Variants in CCNG1 observed in about 807,000 individuals in gnomAD.
The protein encoded by CCNG1 is cyclin-G1.
In CCNG1, 13 loss-of-function variants were observed where a neutral mutation model predicts 30.0. The ratio of observed to expected loss-of-function variants is 0.43; its 90% confidence interval spans 0.28 to 0.69. The LOEUF is 0.69. Ranked by LOEUF, CCNG1 falls within the 30% of genes least tolerant of loss-of-function variation. The probability of loss-of-function intolerance (pLI) is 0.16; values close to 1 mark genes in which losing one functional copy is unlikely to be tolerated. For synonymous variants in CCNG1, 110 were observed against 121.5 expected, an observed-to-expected ratio of 0.91 and a Z score of 0.62; for missense variants, 285 against 331.4, an observed-to-expected ratio of 0.86 and a Z score of 1.09.
At position 163,444,437 on chromosome 5, in the gene CCNG1, C is replaced by T. The variant is rs920709878; in HGVS notation, c.*767C>T. 1 of 152,562 alleles carries T rather than the reference C, an allele frequency of 6.6e-6. No homozygotes were observed. The highest frequency in any genetic ancestry group is 2.4e-5 in the African/African-American group (1 of 41,450). The allele number at this position is 152,562 out of a possible 1,614,324, so 9.5% of individuals were successfully genotyped here. On this transcript the variant is annotated 3_prime_UTR_variant, in exon 7 of 7. Transcript: ENST00000340828. ...AAACTAGTTTCTATTGTATTAGTAA[C>T]TCAAAATAAATTATCACTTCGAAAA...
downstream of CCNG1, chr5:163,445,949 A>G (rs547552012): frequency 5.9e-5 from 9 of 152,232 alleles, no homozygotes; most frequent in East Asian, 1.3e-3. Context: ...ACCTAATTAA[A>G]CAACACTTCA....
Position 163,443,706 on chromosome 5 carries a change from C to G in CCNG1, c.*36C>G, listed in dbSNP as rs1013284298. Reference sequence around the variant, plus strand: ...ACAGCACCAAAAAACTTCTCTGAAGCCTTTCTCCACAACCTTGTTCTATGG... The same window carrying G: ...ACAGCACCAAAAAACTTCTCTGAAGGCTTTCTCCACAACCTTGTTCTATGG... On this transcript the variant is annotated 3_prime_UTR_variant, in exon 7 of 7. Transcript: ENST00000340828. The G allele has an allele frequency of 3.3e-6, 5 of 1,531,300 alleles. No homozygotes were observed. The African/African-American group carries it at 4.1e-5, about 13-fold the overall frequency. 94.9% of individuals were successfully genotyped at this position (1,531,300 alleles called of 1,614,324 possible). A position where few individuals can be genotyped will look rare whatever the true frequency, so the allele number is the denominator to read the frequency against.
In CCNG1 at chr5:163,442,141, A is replaced by G. The variant is rs1757846831; in HGVS notation, c.694A>G (p.Lys232Glu). 2 of 1,575,580 alleles carry G rather than the reference A, an allele frequency of 1.3e-6. No individual in the cohort carries two copies. The highest frequency in any genetic ancestry group is 1.7e-6 in the Non-Finnish European group (2 of 1,146,496). Residue 232 changes from lysine (K) to glutamate (E), a missense_variant and splice_region_variant, in exon 5 of 7, where the codon AAG becomes GAG. Transcript: ENST00000340828. Reference protein sequence around the residue: ...EGIECLQKHSKINGRDLTFWQ... With the variant: ...EGIECLQKHSEINGRDLTFWQ... ...AATAGAATGTCTTCAGAAACATTCC[A>G]AGGTATGTGAAGGACATAGCCTAAA... is the stretch of plus-strand genomic sequence containing the variant.
chr5:163,442,311 A>G, intron 5 of CCNG1, 63 bp from the exon 6 acceptor site: 1 of 1,282,972 alleles, frequency 7.8e-7, no homozygotes, highest in Non-Finnish European at 1.1e-6. Context: ...GCATTTATTA[A>G]TGTAGTTAAA....
chr5:163,451,751 AT>A, the CCNG1 span: 1 of 152,160 alleles, frequency 6.6e-6, no homozygotes, highest in Non-Finnish European at 1.5e-5. Flanking sequence ...ATGTGGGGAG[AT>A]GACCTACAAT....
chr5:163,439,138 C>T, intron 1 of CCNG1, 119 bp from the exon 2 acceptor site: 2 of 843,562 alleles, frequency 2.4e-6, no homozygotes, highest in Non-Finnish European at 3.8e-6. Context: ...CTTAGATGCA[C>T]TAGCCGCATT....
chr5:163,447,404 C>T (rs972039674), downstream of CCNG1: 2 of 142,358 alleles, frequency 1.4e-5, no homozygotes, highest in Admixed American at 1.5e-4. Flanking sequence ...TGAAGCATGA[C>T]AGAGTTGCTA....
In CCNG1 at chr5:163,437,607, G is replaced by C. The variant is rs1162285734; in HGVS notation, c.-198G>C. ...GGGCAGGCGCGGCCCCTTCGGCTCCGAGCTGACCCTGATCAGGGCCGAGTT... is the reference window on the plus strand; with the variant it reads ...GGGCAGGCGCGGCCCCTTCGGCTCCCAGCTGACCCTGATCAGGGCCGAGTT... On this transcript the variant is annotated 5_prime_UTR_variant, in exon 1 of 7. Transcript: ENST00000340828. The C allele has an allele frequency of 6.6e-6, 1 of 152,030 alleles. No homozygotes were observed. The highest frequency in any genetic ancestry group is 1.5e-5 in the Non-Finnish European group (1 of 68,072). The allele number at this position is 152,030 out of a possible 1,614,324, so 9.4% of individuals were successfully genotyped here.
chr5:163,454,342 T>C, the CCNG1 span, among the ~76,000 whole-genome samples: 1 of 152,280 alleles, frequency 6.6e-6, no homozygotes, highest in East Asian at 1.9e-4. Flanking sequence ...TTTATTTTAT[T>C]TATTATTATT....
intron 1 of CCNG1, among the ~76,000 whole-genome samples, 182 bp downstream of exon 1, chr5:163,437,986 C>A (rs1271392008): frequency 6.6e-6 from 1 of 152,156 alleles, no homozygotes; most frequent in East Asian, 1.9e-4. Flanking sequence ...TCCTGAGGTG[C>A]CTTTCGTGTC....
chr5:163,455,490 G>A, the CCNG1 span, among the ~76,000 whole-genome samples: 250 of 152,356 alleles, frequency 1.6e-3, no homozygotes, highest in South Asian at 4.1e-3. Context: ...CTGGCTGGGC[G>A]CGGTGGTTCA....
chr5:163,446,499 TAAA>T (rs2113391083), downstream of CCNG1: 1 of 152,286 alleles, frequency 6.6e-6, no homozygotes, highest in East Asian at 1.9e-4. Context: ...CCTCTCAAAA[TAAA>T]AGATTAATTG....
chr5:163,438,765 C>G (rs906914326), intron 1 of CCNG1, among the ~76,000 whole-genome samples: 7 of 151,826 alleles, frequency 4.6e-5, no homozygotes, highest in Admixed American at 3.9e-4. Context: ...CGGTGGCTCA[C>G]GCCTGTAATC....
At chr5:163,440,487 T>C (rs914774866) in intron 2 of CCNG1, among the ~76,000 whole-genome samples, 1 of 152,164 alleles carries the variant, frequency 6.6e-6, no homozygotes, top group Non-Finnish European at 1.5e-5. Flanking sequence ...TTAATACTGG[T>C]AAAAGCTTAG....
chr5:163,450,117 T>C (rs1025140671), downstream of CCNG1: 1 of 151,836 alleles, frequency 6.6e-6, no homozygotes, highest in African/African-American at 2.4e-5. Flanking sequence ...AAAAATGGGC[T>C]GGGAGTGGTG....
intron 1 of CCNG1, 25 bp from the exon 2 acceptor site, chr5:163,439,232 T>C (rs1481900448): frequency 6.2e-7 from 1 of 1,604,050 alleles, no homozygotes; most frequent in Non-Finnish European, 8.5e-7. Context: ...TTACACTCCT[T>C]GCTGGTCTTT....
At chr5:163,450,222 C>T (rs1433756180), downstream of CCNG1, 1 of 152,224 alleles carries the variant, frequency 6.6e-6, no homozygotes, top group African/African-American at 2.4e-5. Flanking sequence ...GATTGTGCCA[C>T]TGCACCCCAG....
At chr5:163,446,410 T>C (rs890626846), downstream of CCNG1, 1 of 152,214 alleles carries the variant, frequency 6.6e-6, no homozygotes, top group Admixed American at 6.5e-5. Context: ...CCCTGGTCTA[T>C]ACCTGGTACT....
the CCNG1 span, chr5:163,456,968 T>C: frequency 5.0e-6 from 8 of 1,612,196 alleles, no homozygotes; most frequent in Middle Eastern, 3.3e-4. Context: ...TTCTCTGCAT[T>C]TGGTCTTGCA....
Sources: allele counts gnomAD v4.1 joint callset (sites outside exome capture counted in the v4.1 genomes callset), GRCh38; gene constraint gnomAD v4.1.1; transcripts MANE v1.5; gene names NCBI Gene and HGNC (gene_info 2026-07-23, HGNC 2026-07-21).